PI4KA: variants seen among roughly 807,000 people sequenced by gnomAD.
The protein encoded by PI4KA is PI4-kinase alpha.
PI4KA carries 122 observed loss-of-function variants against 271.4 expected under a neutral mutation model. The observed-to-expected ratio is 0.45, with a 90% CI of 0.39 to 0.52. The LOEUF (loss-of-function observed/expected upper bound fraction) is 0.52. PI4KA is among the 20% of genes least tolerant of loss of function. PI4KA has a pLI of 0.00. For synonymous variants in PI4KA, 1,041 were observed against 1,078.8 expected (o/e 0.96, Z 0.69); for missense variants, 1,969 against 2,769.1 (o/e 0.71, Z 6.48).
chr22:20,760,351 C>T (rs1212053799), intron 23 of PI4KA, among the ~76,000 whole-genome samples: 1 of 152,144 alleles, frequency 6.6e-6, no homozygotes, highest in African/African-American at 2.4e-5. Context: ...TGATTTTAAA[C>T]ACCTTATAAA....
chr22:20,821,085 C>T (rs1214171293), intron 4 of PI4KA, among the ~76,000 whole-genome samples: 1 of 152,194 alleles, frequency 6.6e-6, no homozygotes, highest in Non-Finnish European at 1.5e-5. Context: ...ATCTGGGATG[C>T]TGGAACTCAC....
chr22:20,780,068 C>T, intron 19 of PI4KA: 4 of 1,614,166 alleles, frequency 2.5e-6, no homozygotes, highest in Non-Finnish European at 3.4e-6. Context: ...AGATAGCTGA[C>T]TTCTCAGACC....
intron 29 of PI4KA, among the ~76,000 whole-genome samples, chr22:20,745,753 C>T (rs769560685): frequency 1.3e-5 from 2 of 152,120 alleles, no homozygotes; most frequent in Non-Finnish European, 2.9e-5. Flanking sequence ...CCTCAATGTG[C>T]TCATCTGTAA....
At chr22:20,755,672 A>G (rs1056781456) in intron 23 of PI4KA, among the ~76,000 whole-genome samples, 2 of 151,982 alleles carry the variant, frequency 1.3e-5, no homozygotes, top group African/African-American at 4.8e-5. Flanking sequence ...ACGGTGGTGC[A>G]CACCTGTTAA....
intron 19 of PI4KA, among the ~76,000 whole-genome samples, chr22:20,770,793 G>C (rs2147429680): frequency 6.6e-6 from 1 of 152,236 alleles, no homozygotes; most frequent in African/African-American, 2.4e-5. Context: ...CCAAACTTTA[G>C]TGATCCTCCT....
rs572826756 is a variant in PI4KA at position 20,852,909 on chromosome 22, G to A, written c.156+5661C>T. 3.9e-5 allele frequency among the ~76,000 whole-genome samples: 6 copies of A among 152,280 alleles called. No homozygotes were observed. The East Asian group carries it at 1.2e-3, about 29-fold the overall frequency. The stretch of plus-strand genomic sequence containing the variant: ...GGAGCACATATGTCCACCAAGGAGG[G>A]TTCAGCCTGTCCCTAATGCCGCAGT... On this transcript the variant is annotated intron_variant, in intron 1 of 54. Transcript: ENST00000255882.
At chr22:20,810,035 G>C (rs1935903363) in intron 9 of PI4KA, among the ~76,000 whole-genome samples, 1 of 152,106 alleles carries the variant, frequency 6.6e-6, no homozygotes, top group Non-Finnish European at 1.5e-5. Flanking sequence ...CTTCAATAAG[G>C]AATCTGGGTC....
intron 9 of PI4KA, among the ~76,000 whole-genome samples, chr22:20,808,589 CAAA>C (rs361792): frequency 4.8e-5 from 5 of 104,638 alleles, no homozygotes; most frequent in Non-Finnish European, 6.1e-5. Context: ...GACTCCGTCT[CAAA>C]AAAAAAAAAA....
intron 1 of PI4KA, among the ~76,000 whole-genome samples, chr22:20,851,488 C>A (rs1478928824): frequency 6.6e-6 from 1 of 152,090 alleles, no homozygotes; most frequent in Non-Finnish European, 1.5e-5. Flanking sequence ...CAGGCGCACA[C>A]CACCACGCCC....
chr22:20,844,112 C>A (rs1047611093), intron 1 of PI4KA, among the ~76,000 whole-genome samples: 1 of 152,210 alleles, frequency 6.6e-6, no homozygotes, highest in Non-Finnish European at 1.5e-5. Context: ...CAATAGCTCA[C>A]ATAGAACTCT....
At chr22:20,752,591 G>C (rs1229265854) in intron 25 of PI4KA, among the ~76,000 whole-genome samples, 1 of 152,206 alleles carries the variant, frequency 6.6e-6, no homozygotes, top group Non-Finnish European at 1.5e-5. Flanking sequence ...ACCTCTGGCT[G>C]GGCCCTGGGC....
At chr22:20,726,649 C>T in intron 41 of PI4KA, 108 bp from the exon 42 acceptor site, 1 of 973,774 alleles carries the variant, frequency 1.0e-6, no homozygotes, top group Non-Finnish European at 1.5e-6. Flanking sequence ...GGGCTGAGAA[C>T]TGGGGAAAGC....
At chr22:20,746,964 A>C (rs1383191701) in intron 29 of PI4KA, among the ~76,000 whole-genome samples, 2 of 152,140 alleles carry the variant, frequency 1.3e-5, no homozygotes, top group African/African-American at 2.4e-5. Flanking sequence ...CCCATGCTCC[A>C]TTTGGAGAGA....
intron 29 of PI4KA, among the ~76,000 whole-genome samples, chr22:20,745,660 T>C (rs1929970053): frequency 6.6e-6 from 1 of 152,136 alleles, no homozygotes; most frequent in South Asian, 2.1e-4. Flanking sequence ...AACAATGCGG[T>C]CTTTGGCACC....
At position 20,810,990 on chromosome 22, in the gene PI4KA, C is replaced by A; in HGVS notation, c.1048G>T (p.Ala350Ser). 1 of 1,613,752 alleles carries A rather than the reference C, an allele frequency of 6.2e-7. No homozygotes were observed. The highest frequency in any genetic ancestry group is 8.5e-7 in the Non-Finnish European group (1 of 1,179,614). The change falls in exon 9 of 55, where the codon GCC (alanine) becomes TCC (serine). Residue 350 changes from alanine (A) to serine (S), a missense_variant. By Grantham distance (99) the Ala-to-Ser change is moderately conservative. Transcript: ENST00000255882. ...ACCTCCATCACACTGGCTACAATGG[C>A]ATCCAAAGATTTGAGAACAGCCTCC... ...VEEAVLKSLD[A>S]IVASVMEANP...
intron 39 of PI4KA, 118 bp from the exon 40 acceptor site, chr22:20,727,982 CCAAGTGA>C (rs1927569879): frequency 1.5e-6 from 1 of 646,282 alleles, no homozygotes; most frequent in Non-Finnish European, 2.7e-6. Flanking sequence ...CACATCAATA[CCAAGTGA>C]CGGCTTGGGT....
chr22:20,710,266 C>T, intron 52 of PI4KA: 1 of 570,490 alleles, frequency 1.8e-6, no homozygotes, highest in Non-Finnish European at 3.2e-6. Context: ...ATGGCTTCTG[C>T]ACTTGGGTGG....
At chr22:20,813,269 C>CT (rs1921302498) in intron 8 of PI4KA, 89 bp downstream of exon 8, 1 of 973,376 alleles carries the variant, frequency 1.0e-6, no homozygotes. Flanking sequence ...TACTGGTACT[C>CT]TGAGTTTTTC....
At chr22:20,741,456 G>T (rs985499287) in intron 32 of PI4KA, among the ~76,000 whole-genome samples, 1 of 152,086 alleles carries the variant, frequency 6.6e-6, no homozygotes, top group African/African-American at 2.4e-5. Flanking sequence ...GTGTCCCCCT[G>T]ACTAGACAAC....
Sources: allele counts gnomAD v4.1 joint callset (sites outside exome capture counted in the v4.1 genomes callset), GRCh38; gene constraint gnomAD v4.1.1; transcripts MANE v1.5; gene names NCBI Gene and HGNC (gene_info 2026-07-23, HGNC 2026-07-21).